The following POLA1 variants were observed in gnomAD, a reference collection of about 807,000 sequenced individuals.
POLA1 encodes DNA polymerase alpha 1, catalytic subunit.
A neutral mutation model predicts 124.0 loss-of-function variants in POLA1; 15 were observed. The ratio of observed to expected loss-of-function variants is 0.12; its 90% confidence interval spans 0.08 to 0.19. The LOEUF is 0.19. Among genes scored for constraint, POLA1 ranks in the 10% least tolerant of loss-of-function variants. The pLI is 1.00. For synonymous variants in POLA1, 408 were observed against 389.4 expected (o/e 1.05, Z -0.56); for missense variants, 886 against 1,103.4 (o/e 0.80, Z 2.79).
chrX:24,920,477 G>T (rs1245392188), intron 35 of POLA1, among the ~76,000 whole-genome samples: 4 of 111,428 alleles, frequency 3.6e-5, no homozygotes, highest in African/African-American at 1.3e-4. Flanking sequence ...ACCGTCTCTG[G>T]CACACAAAGC....
At chrX:24,793,945 G>A (rs2045558589) in intron 26 of POLA1, among the ~76,000 whole-genome samples, 2 of 110,358 alleles carry the variant, frequency 1.8e-5, no homozygotes, top group Non-Finnish European at 3.8e-5. Context: ...GAGACCTGTT[G>A]CCCTTCCTAA....
At chrX:24,995,708 G>A (rs951446328) in intron 36 of POLA1, 97 bp from the exon 37 acceptor site, 4 of 744,383 alleles carry the variant, frequency 5.4e-6, no homozygotes, top group Admixed American at 2.6e-5. Flanking sequence ...AGATGGTGGA[G>A]ATACAAATGG....
intron 32 of POLA1, among the ~76,000 whole-genome samples, chrX:24,838,751 A>G (rs1002398795): frequency 8.9e-5 from 10 of 112,661 alleles, no homozygotes; most frequent in African/African-American, 3.2e-4. Context: ...TTGGAGTGAC[A>G]ACAATTAAAA....
chrX:24,908,403 A>C (rs2047397588), intron 35 of POLA1, among the ~76,000 whole-genome samples: 1 of 56,110 alleles, frequency 1.8e-5, no homozygotes, highest in Non-Finnish European at 3.1e-5. Context: ...CCCACCCCAC[A>C]ACAGGCCCTG....
chrX:24,809,834 A>G (rs1201873820), intron 26 of POLA1, 64 bp from the exon 27 acceptor site: 4 of 658,269 alleles, frequency 6.1e-6, no homozygotes, highest in East Asian at 3.5e-5. Flanking sequence ...ACCTATCTCT[A>G]TGTGCTTCTA....
intron 35 of POLA1, among the ~76,000 whole-genome samples, chrX:24,893,392 T>G (rs1272720882): frequency 8.9e-6 from 1 of 112,191 alleles, no homozygotes; most frequent in Non-Finnish European, 1.9e-5. Flanking sequence ...CTTTTTCAAT[T>G]TACTTTTTTT....
Position 24,733,767 on chromosome X carries a change from C to G in POLA1, c.1784C>G (p.Pro595Arg), listed in dbSNP as rs1463327219. 5 of 1,132,281 alleles carry G rather than the reference C, an allele frequency of 4.4e-6. No individual in the cohort carries two copies. Among genetic ancestry groups the G allele is most frequent in the African/African-American group, 1.8e-5 (1 of 55,654 alleles). 93.3% of individuals were successfully genotyped at this position (1,132,281 alleles called of 1,213,427 possible). ...TTCCTTTTTACAGTTGTGTCTAAAC[C>G]AAAGGACTGTATTTTTCCATATGCT... is the stretch of plus-strand genomic sequence containing the variant. ...FQSHFCVVSKPKDCIFPYAFK... is the reference protein window; with the variant it reads ...FQSHFCVVSKRKDCIFPYAFK... Residue 595 changes from proline to arginine, a missense_variant, in exon 17 of 37, where the codon CCA (proline) becomes CGA (arginine). Pro to Arg is a moderately radical substitution (Grantham distance 103, BLOSUM62 -2). Around this residue, in one of 7 missense-constraint regions of POLA1, gnomAD observed 337 missense variants for 402.8 expected, o/e 0.84. Transcript: ENST00000379068.
chrX:24,979,971 C>CT (rs2048403856), intron 36 of POLA1, among the ~76,000 whole-genome samples: 1 of 112,003 alleles, frequency 8.9e-6, no homozygotes, highest in African/African-American at 3.2e-5. Context: ...CTCCAGATCT[C>CT]TAATATCATT....
intron 1 of POLA1, among the ~76,000 whole-genome samples, chrX:24,694,296 A>G (rs1356593049): frequency 8.9e-6 from 1 of 112,600 alleles, no homozygotes; most frequent in Non-Finnish European, 1.9e-5. Context: ...CGTGCTGGGT[A>G]TAACTTTATT....
chrX:24,966,431 C>T (rs1370196394), intron 36 of POLA1, among the ~76,000 whole-genome samples: 1 of 111,988 alleles, frequency 8.9e-6, no homozygotes, highest in Non-Finnish European at 1.9e-5. Flanking sequence ...TCTAACCCTA[C>T]TATCTGGTCT....
At chrX:24,910,263 A>G (rs1434985032) in intron 35 of POLA1, among the ~76,000 whole-genome samples, 1 of 105,415 alleles carries the variant, frequency 9.5e-6, no homozygotes, top group Non-Finnish European at 1.9e-5. Context: ...CCTGGCCAGA[A>G]CTTCCAACAC....
At chrX:24,797,895 A>G (rs1436421376) in intron 26 of POLA1, among the ~76,000 whole-genome samples, 1 of 108,511 alleles carries the variant, frequency 9.2e-6, no homozygotes, top group African/African-American at 3.4e-5. Context: ...AAAAAAAAAA[A>G]AAATTAGCCA....
intron 28 of POLA1, 150 bp from the exon 29 acceptor site, chrX:24,812,508 G>A (rs1169560049): frequency 2.3e-5 from 10 of 432,158 alleles, no homozygotes; most frequent in Non-Finnish European, 2.8e-5. Context: ...TATACCCAAT[G>A]TAATATCATG....
At chrX:24,703,737 T>G (rs1928615306) in intron 3 of POLA1, among the ~76,000 whole-genome samples, 2 of 112,055 alleles carry the variant, frequency 1.8e-5, no homozygotes, top group African/African-American at 6.5e-5. Context: ...ACTTAATCTC[T>G]CTGCGCCTTA....
At chrX:24,707,759 C>G (rs1040344715) in intron 4 of POLA1, among the ~76,000 whole-genome samples, 1 of 112,124 alleles carries the variant, frequency 8.9e-6, no homozygotes, top group Non-Finnish European at 1.9e-5. Flanking sequence ...TTTGGGAGGC[C>G]GAGGTGGGCA....
At chrX:24,973,426 A>C (rs151312519) in intron 36 of POLA1, among the ~76,000 whole-genome samples, 16 of 111,475 alleles carry the variant, frequency 1.4e-4, no homozygotes, top group African/African-American at 4.9e-4. Flanking sequence ...GAAAAGAAAA[A>C]AGAAAGTCCT....
In POLA1 at chrX:24,905,171, A is replaced by G. The variant is rs986132157; in HGVS notation, c.4164+17049A>G. Among the ~76,000 whole-genome samples, 4 of 110,271 alleles carry G rather than the reference A, an allele frequency of 3.6e-5. 1 individual carries two copies. The East Asian group carries it at 1.1e-3, about 31-fold the overall frequency. On this transcript the variant is annotated intron_variant, in intron 35 of 36. Transcript: ENST00000379068. ...GACTACCTAGTAGTGCACAGAGGAGACAGATCCAAAAAACTGCAAAAGTTT... is the reference window on the plus strand; with the variant it reads ...GACTACCTAGTAGTGCACAGAGGAGGCAGATCCAAAAAACTGCAAAAGTTT...
chrX:24,775,389 G>T (rs2045118979), intron 26 of POLA1: 1 of 111,879 alleles, frequency 8.9e-6, no homozygotes, highest in Admixed American at 9.5e-5. Context: ...AAGCATCTGT[G>T]GAATTTTACA....
chrX:24,918,756 G>A (rs897955275), intron 35 of POLA1, among the ~76,000 whole-genome samples: 3 of 111,494 alleles, frequency 2.7e-5, no homozygotes, highest in African/African-American at 9.8e-5. Context: ...GAGGGCCTCG[G>A]GCTGCTTCCT....
Sources: gnomAD v4.1 joint callset for allele counts (sites outside exome capture counted in the v4.1 genomes callset) on GRCh38, gnomAD v4.1.1 for gene constraint, gnomAD v4.1.1 regional missense constraint, MANE v1.5 for transcripts, NCBI Gene and HGNC (gene_info 2026-07-23, HGNC 2026-07-21) for gene names.